The following ZSWIM5 variants were observed in gnomAD, a reference collection of about 807,000 sequenced individuals.
ZSWIM5 encodes the protein zinc finger SWIM domain-containing protein 5.
In ZSWIM5, 55 loss-of-function variants were observed where a neutral mutation model predicts 119.6. The observed-to-expected ratio is 0.46, with a 90% confidence interval of 0.37 to 0.58. ZSWIM5 has a LOEUF of 0.58. Ranked by LOEUF, ZSWIM5 falls within the 20% of genes least tolerant of loss-of-function variation. The pLI, the probability that ZSWIM5 is intolerant of heterozygous loss-of-function variation, is 0.00. For missense variants in ZSWIM5, 1,193 were observed against 1,512.8 expected, an observed-to-expected ratio of 0.79 and a Z score of 3.51; for synonymous variants, 537 against 606.9, an observed-to-expected ratio of 0.88 and a Z score of 1.69.
rs1353983972 is a variant in ZSWIM5 at position 45,018,868 on chromosome 1, G to A, written c.3144C>T (p.Leu1048=). The A allele has an allele frequency of 2.5e-6, 4 of 1,614,134 alleles. No individual in the cohort carries two copies. The highest frequency in any genetic ancestry group is 1.1e-5 in the South Asian group (1 of 91,092). The change falls in exon 14 of 14, where the codon CTC becomes CTT. Residue 1048 remains leucine (L), a synonymous_variant. Coordinates refer to ENST00000359600, the MANE Select transcript of ZSWIM5 (RefSeq NM_020883.2). This position sits in a 1 kb window ranked among gnomAD's most constrained non-coding sequence, Gnocchi z 6.7. The part of the protein sequence containing the change: ...AINDVLWACA[L]SHSLGKNELA... ...GCTCATTCTTGCCCAGAGAGTGGCT[G>A]AGAGCACAAGCCCAGAGCACATCAT...
intron 1 of ZSWIM5, among the ~76,000 whole-genome samples, chr1:45,193,408 C>T (rs1479267317): frequency 4.6e-5 from 7 of 151,998 alleles, no homozygotes; most frequent in South Asian, 2.1e-4. Flanking sequence ...TATAAGAAGG[C>T]GCATCCTACT....
intron 1 of ZSWIM5, among the ~76,000 whole-genome samples, chr1:45,139,036 C>G (rs974380916): frequency 6.6e-6 from 1 of 151,932 alleles, no homozygotes; most frequent in African/African-American, 2.4e-5. Context: ...CACCTGCCAC[C>G]ATGCCCGGCT....
chr1:45,019,797 A>G lies in ZSWIM5; in HGVS notation c.2695+269T>C, dbSNP rs80078041. Among the ~76,000 whole-genome samples, 1,505 of 152,284 alleles carry G rather than the reference A, an allele frequency of 9.9e-3. 26 individuals carry two copies. Among genetic ancestry groups the G allele is most frequent in the African/African-American group, 0.034 (1,433 of 41,564 alleles). ...CTCCCAAGGGAGCACTTGAGTAGCA[A>G]CTGAAAATTCATTCTCTTAGACATG... On this transcript the variant is annotated intron_variant, in intron 13 of 13. Transcript: ENST00000359600. This position sits in a 1 kb window ranked among gnomAD's most constrained non-coding sequence, Gnocchi z 5.0.
intron 1 of ZSWIM5, among the ~76,000 whole-genome samples, chr1:45,120,232 T>A (rs1308260192): frequency 6.6e-6 from 1 of 152,138 alleles, no homozygotes; most frequent in Non-Finnish European, 1.5e-5. Flanking sequence ...TAGTCTCAGC[T>A]ACTCGAGAGG....
At chr1:45,065,698 T>C (rs1645178588) in intron 2 of ZSWIM5, among the ~76,000 whole-genome samples, 1 of 152,074 alleles carries the variant, frequency 6.6e-6, no homozygotes. Flanking sequence ...GAAACTGAGC[T>C]GCTAAAATGG....
intron 1 of ZSWIM5, among the ~76,000 whole-genome samples, chr1:45,111,763 G>A (rs1019929449): frequency 9.9e-5 from 15 of 152,280 alleles, no homozygotes; most frequent in African/African-American, 3.1e-4. Flanking sequence ...TTATAAGGAT[G>A]TATGTGGTTG....
At chr1:45,183,626 T>C (rs370633638) in intron 1 of ZSWIM5, among the ~76,000 whole-genome samples, 1 of 152,090 alleles carries the variant, frequency 6.6e-6, no homozygotes, top group East Asian at 1.9e-4. Flanking sequence ...AACACCTCTA[T>C]GCAAATAAAC....
intron 1 of ZSWIM5, among the ~76,000 whole-genome samples, chr1:45,118,996 G>T (rs1645575924): frequency 1.3e-5 from 2 of 152,084 alleles, no homozygotes; most frequent in Admixed American, 6.5e-5. Flanking sequence ...TGTATATTCA[G>T]GGGTGTAGAC....
At chr1:45,046,755 G>T (rs531894596) in intron 5 of ZSWIM5, among the ~76,000 whole-genome samples, 1 of 151,694 alleles carries the variant, frequency 6.6e-6, no homozygotes, top group Admixed American at 6.6e-5. Flanking sequence ...GCCAGGCGCG[G>T]TGGCTCATTC....
intron 2 of ZSWIM5, among the ~76,000 whole-genome samples, chr1:45,080,657 T>C (rs1329060229): frequency 6.6e-6 from 1 of 151,990 alleles, no homozygotes; most frequent in Admixed American, 6.6e-5. Flanking sequence ...GGTTCTTAGA[T>C]TGGTGTCCTC....
intron 1 of ZSWIM5, among the ~76,000 whole-genome samples, chr1:45,101,756 T>C (rs1005951874): frequency 7.9e-5 from 12 of 152,166 alleles, no homozygotes; most frequent in Admixed American, 3.3e-4. Context: ...TGGATACAGC[T>C]AGAAACCATC....
At chr1:45,030,169 C>A (rs151216925) in intron 11 of ZSWIM5, among the ~76,000 whole-genome samples, 1 of 152,040 alleles carries the variant, frequency 6.6e-6, no homozygotes, top group East Asian at 1.9e-4. Context: ...GTCTCAAACT[C>A]CTGTCCTCTA....
At chr1:45,140,844 A>G (rs1202309844) in intron 1 of ZSWIM5, among the ~76,000 whole-genome samples, 1 of 152,232 alleles carries the variant, frequency 6.6e-6, no homozygotes. Context: ...CATTAGTAGC[A>G]GACAGACTGG....
intron 1 of ZSWIM5, among the ~76,000 whole-genome samples, chr1:45,107,130 T>C (rs1645485771): frequency 6.6e-6 from 1 of 152,148 alleles, no homozygotes; most frequent in African/African-American, 2.4e-5. Flanking sequence ...TTCTCGTGTT[T>C]ATCTGCTGAC....
intron 1 of ZSWIM5, among the ~76,000 whole-genome samples, chr1:45,148,323 T>C (rs1273164346): frequency 6.6e-6 from 1 of 152,140 alleles, no homozygotes; most frequent in Non-Finnish European, 1.5e-5. Context: ...ATGAGACACT[T>C]CAATCACATG....
chr1:45,176,318 C>T (rs960823309), intron 1 of ZSWIM5, among the ~76,000 whole-genome samples: 1 of 151,916 alleles, frequency 6.6e-6, no homozygotes, highest in South Asian at 2.1e-4. Context: ...GGCTGGAGTG[C>T]TATGGCACAA....
At chr1:45,110,685 CAAGAAA>C (rs887800165) in intron 1 of ZSWIM5, among the ~76,000 whole-genome samples, 2 of 151,924 alleles carry the variant, frequency 1.3e-5, no homozygotes, top group Non-Finnish European at 2.9e-5. Flanking sequence ...GCAAAATCGA[CAAGAAA>C]AAGAAAAATA....
In ZSWIM5 at chr1:45,036,545, C is replaced by T. The variant is rs184502689; in HGVS notation, c.1895-246G>A. Among the ~76,000 whole-genome samples the T allele has an allele frequency of 1.0e-2, 1,511 of 151,642 alleles. 8 individuals are homozygous for T. The highest frequency in any genetic ancestry group is 0.018 in the Non-Finnish European group (1,197 of 67,882). Reference sequence around the variant, plus strand: ...AATTTTTGTATTTTTAGTAGAGGGGCGGTTTCATCATGTTGGCCAGGCTGG... The same window carrying T: ...AATTTTTGTATTTTTAGTAGAGGGGTGGTTTCATCATGTTGGCCAGGCTGG... On this transcript the variant is annotated intron_variant, in intron 8 of 13. Coordinates refer to ENST00000359600, the MANE Select transcript of ZSWIM5 (RefSeq NM_020883.2).
At chr1:45,081,888 G>C (rs1645294314) in intron 2 of ZSWIM5, among the ~76,000 whole-genome samples, 1 of 152,026 alleles carries the variant, frequency 6.6e-6, no homozygotes, top group Non-Finnish European at 1.5e-5. Flanking sequence ...AATAGAAAGG[G>C]GGGAAAGGTG....
Sources: allele counts gnomAD v4.1 joint callset (sites outside exome capture counted in the v4.1 genomes callset), GRCh38; gene constraint gnomAD v4.1.1; non-coding constraint Gnocchi (gnomAD v3.1); transcripts MANE v1.5; gene names NCBI Gene and HGNC (gene_info 2026-07-23, HGNC 2026-07-21).